Variants in IL1RAPL2 observed in about 807,000 individuals in gnomAD.
The protein encoded by IL1RAPL2 is interleukin 1 receptor accessory protein like 2.
A neutral mutation model predicts 44.1 loss-of-function variants in IL1RAPL2; 3 were observed. The observed-to-expected ratio is 0.07, with a 90% CI of 0.03 to 0.18. The LOEUF (loss-of-function observed/expected upper bound fraction) is 0.18, where lower values mean the gene tolerates loss of function less well. IL1RAPL2 is among the 10% of genes least tolerant of loss of function. The pLI, the probability that IL1RAPL2 is intolerant of heterozygous loss-of-function variation, is 1.00. For synonymous variants in IL1RAPL2, 181 were observed against 178.8 expected (o/e 1.01, Z -0.10); for missense variants, 391 against 496.4 (o/e 0.79, Z 2.02).
At chrX:104,767,687 T>C (rs939131462) in intron 2 of IL1RAPL2, among the ~76,000 whole-genome samples, 7 of 112,213 alleles carry the variant, frequency 6.2e-5, no homozygotes, top group Middle Eastern at 9.3e-3. Context: ...ATGGTACCCA[T>C]AGTACAAATT....
At chrX:104,922,461 C>A (rs1924669866) in intron 2 of IL1RAPL2, among the ~76,000 whole-genome samples, 1 of 112,689 alleles carries the variant, frequency 8.9e-6, no homozygotes, top group Non-Finnish European at 1.9e-5. Flanking sequence ...GCCTCCACCT[C>A]TCCATCTCTG....
chrX:104,590,038 T>G (rs1197412368), intron 1 of IL1RAPL2, among the ~76,000 whole-genome samples: 1 of 110,849 alleles, frequency 9.0e-6, no homozygotes. Flanking sequence ...CTAAGTTGGG[T>G]TTTTTGTTTG....
intron 6 of IL1RAPL2, among the ~76,000 whole-genome samples, chrX:105,592,775 A>C (rs919236895): frequency 8.9e-6 from 1 of 111,850 alleles, no homozygotes; most frequent in African/African-American, 3.2e-5. Context: ...CTTCTGGCTA[A>C]TAGGGTTTGT....
At chrX:105,082,826 A>T (rs1315630799) in intron 2 of IL1RAPL2, among the ~76,000 whole-genome samples, 1 of 111,790 alleles carries the variant, frequency 8.9e-6, no homozygotes, top group Non-Finnish European at 1.9e-5. Context: ...AAGGTAGATA[A>T]ATCCACAAAG....
chrX:105,293,116 C>CAAAAAAA (rs10566162), intron 5 of IL1RAPL2, among the ~76,000 whole-genome samples: 5 of 50,845 alleles, frequency 9.8e-5, no homozygotes, highest in Admixed American at 2.5e-4. Context: ...CGACTCTGTC[C>CAAAAAAA]AAAAAAAAAA....
intron 5 of IL1RAPL2, among the ~76,000 whole-genome samples, chrX:105,343,830 T>C (rs222589): frequency 0.015 from 1,736 of 112,144 alleles, 13 homozygotes; most frequent in Middle Eastern, 0.06. Flanking sequence ...TAAATACTAA[T>C]GAATAGTTGC....
intron 5 of IL1RAPL2, among the ~76,000 whole-genome samples, chrX:105,390,506 G>A (rs1207147648): frequency 9.0e-6 from 1 of 111,205 alleles, no homozygotes; most frequent in African/African-American, 3.3e-5. Context: ...TTTATTTAAG[G>A]CAATCTATTT....
intron 7 of IL1RAPL2, among the ~76,000 whole-genome samples, chrX:105,730,142 C>T (rs2147565468): frequency 9.0e-6 from 1 of 110,637 alleles, no homozygotes; most frequent in Non-Finnish European, 1.9e-5. Context: ...TGTAGAGACA[C>T]ATATAGACTA....
At chrX:105,387,642 A>G (rs1457228701) in intron 5 of IL1RAPL2, among the ~76,000 whole-genome samples, 1 of 111,911 alleles carries the variant, frequency 8.9e-6, no homozygotes. Context: ...TATGAAACAT[A>G]TAAAATTGTA....
intron 1 of IL1RAPL2, among the ~76,000 whole-genome samples, chrX:104,595,649 T>C (rs1377075113): frequency 1.8e-5 from 2 of 111,795 alleles, no homozygotes; most frequent in Non-Finnish European, 3.8e-5. Flanking sequence ...AATTAAAAGA[T>C]CTCTTACAAT....
chrX:105,396,861 C>G (rs757572355), intron 5 of IL1RAPL2, among the ~76,000 whole-genome samples: 2 of 111,006 alleles, frequency 1.8e-5, no homozygotes, highest in Non-Finnish European at 3.8e-5. Context: ...TTCCAAACCC[C>G]TGGGTCATGT....
chrX:105,073,238 C>T, intron 2 of IL1RAPL2, among the ~76,000 whole-genome samples: 1 of 80,335 alleles, frequency 1.2e-5, no homozygotes, highest in Non-Finnish European at 2.3e-5. Context: ...TGTTCCCCTT[C>T]CTGTGTCCAT....
At chrX:104,853,415 A>T (rs1021277012) in intron 2 of IL1RAPL2, among the ~76,000 whole-genome samples, 1 of 111,089 alleles carries the variant, frequency 9.0e-6, no homozygotes, top group African/African-American at 3.3e-5. Flanking sequence ...ATGGTGGGCA[A>T]GTGTAAAGAA....
rs754438604 is a variant in IL1RAPL2 at position 105,090,057 on chromosome X, G to A, written c.83-105418G>A. Among the ~76,000 whole-genome samples the A allele has an allele frequency of 8.1e-5, 9 of 111,723 alleles. 1 individual carries two copies. In the East Asian group the frequency reaches 2.5e-3, roughly 32 times the overall value. ...AAGAGGGAGGAAAAGAAAGGAAGGA[G>A]GATAAAGAGGAAGAACTGACTTTCA... On this transcript the variant is annotated intron_variant, in intron 2 of 10. Transcript: ENST00000372582.
intron 5 of IL1RAPL2, among the ~76,000 whole-genome samples, chrX:105,425,384 T>C (rs940666577): frequency 1.8e-5 from 2 of 109,894 alleles, no homozygotes; most frequent in Non-Finnish European, 3.8e-5. Context: ...AAAAGGGAAA[T>C]TGAGTATACA....
At chrX:105,327,469 T>G (rs754405967) in intron 5 of IL1RAPL2, among the ~76,000 whole-genome samples, 1 of 112,251 alleles carries the variant, frequency 8.9e-6, no homozygotes, top group East Asian at 2.8e-4. Context: ...AGACTGTCAC[T>G]GTGTTCATGT....
intron 6 of IL1RAPL2, among the ~76,000 whole-genome samples, chrX:105,714,522 A>C (rs767257487): frequency 1.9e-4 from 21 of 112,029 alleles, no homozygotes; most frequent in Non-Finnish European, 3.8e-4. Flanking sequence ...TTTGGCTCTC[A>C]GTTCTAGATG....
At chrX:105,684,524 C>A (rs2037953005) in intron 6 of IL1RAPL2, among the ~76,000 whole-genome samples, 2 of 112,444 alleles carry the variant, frequency 1.8e-5, no homozygotes, top group African/African-American at 6.5e-5. Flanking sequence ...AACAAAGCGG[C>A]CGGGAAGCTC....
chrX:104,985,336 G>T (rs780705315), intron 2 of IL1RAPL2, among the ~76,000 whole-genome samples: 1 of 111,167 alleles, frequency 9.0e-6, no homozygotes, highest in African/African-American at 3.3e-5. Context: ...TGATCTGCCC[G>T]CCTCAGCCTC....
Sources: gnomAD v4.1 joint callset for allele counts (sites outside exome capture counted in the v4.1 genomes callset) on GRCh38, gnomAD v4.1.1 for gene constraint, MANE v1.5 for transcripts, NCBI Gene and HGNC (gene_info 2026-07-23, HGNC 2026-07-21) for gene names.